The following HDAC9 variants were observed in gnomAD, a reference collection of about 807,000 sequenced individuals.
HDAC9 encodes MEF-2 interacting transcription repressor (MITR) protein.
A neutral mutation model predicts 139.4 loss-of-function variants in HDAC9; 41 were observed. The observed-to-expected ratio is 0.29, with a 90% CI of 0.23 to 0.38. The LOEUF is 0.38. HDAC9 is among the 10% of genes least tolerant of loss of function. The pLI, the probability that HDAC9 is intolerant of heterozygous loss-of-function variation, is 1.00. For missense variants in HDAC9, 1,147 were observed against 1,297.0 expected, an observed-to-expected ratio of 0.88 and a Z score of 1.78; for synonymous variants, 517 against 476.2, an observed-to-expected ratio of 1.09 and a Z score of -1.12.
At chr7:18,237,549 A>C (rs929955602) in intron 2 of HDAC9, among the ~76,000 whole-genome samples, 3 of 152,214 alleles carry the variant, frequency 2.0e-5, no homozygotes, top group Admixed American at 2.0e-4. Context: ...TCATGGGAGA[A>C]CACATGTTAG....
In HDAC9 at chr7:18,648,519, C is replaced by A. The variant is rs1788177906; in HGVS notation, c.1303C>A (p.Pro435Thr). The change falls in exon 11 of 26, where the codon CCT becomes ACT. Residue 435 changes from proline (P) to threonine (T), a missense_variant. By Grantham distance (38) the Pro-to-Thr change is conservative. Coordinates refer to ENST00000686413, the MANE Select transcript of HDAC9 (RefSeq NM_178425.4). ...CTTGGCAACAAAAGAGAGAATTTCACCTGGCATTAGAGGTACCCACAAATT... is the reference window on the plus strand; with the variant it reads ...CTTGGCAACAAAAGAGAGAATTTCAACTGGCATTAGAGGTACCCACAAATT... ...SPLATKERIS[P>T]GIRGTHKLPR... 6.2e-7 allele frequency: 1 copy of A among 1,613,428 alleles called. No homozygotes were observed.
intron 12 of HDAC9, among the ~76,000 whole-genome samples, chr7:18,669,765 C>T (rs1487203204): frequency 6.6e-6 from 1 of 151,680 alleles, no homozygotes; most frequent in Non-Finnish European, 1.5e-5. Flanking sequence ...AGCATCAATC[C>T]AGCATTAGAA....
intron 2 of HDAC9, among the ~76,000 whole-genome samples, chr7:18,219,548 C>T (rs1483418637): frequency 6.6e-6 from 1 of 151,860 alleles, no homozygotes; most frequent in East Asian, 1.9e-4. Flanking sequence ...TGCTGAGGAA[C>T]ATTTGTCAAG....
chr7:18,446,778 A>C (rs1792335183), intron 1 of HDAC9, among the ~76,000 whole-genome samples: 1 of 152,138 alleles, frequency 6.6e-6, no homozygotes, highest in South Asian at 2.1e-4. Flanking sequence ...TTTGAAAAAA[A>C]CTTGGAAATA....
intron 12 of HDAC9, among the ~76,000 whole-genome samples, chr7:18,694,680 A>C (rs1782909510): frequency 6.6e-6 from 1 of 152,016 alleles, no homozygotes; most frequent in Non-Finnish European, 1.5e-5. Flanking sequence ...CTGGGTGGAG[A>C]GGATGGGCTG....
chr7:18,248,379 G>T (rs1794695280), intron 2 of HDAC9, among the ~76,000 whole-genome samples: 2 of 152,094 alleles, frequency 1.3e-5, no homozygotes, highest in Admixed American at 1.3e-4. Context: ...TCCTGTTTTA[G>T]CTAGTTTTAT....
chr7:18,861,909 A>T (rs1585174941), intron 21 of HDAC9, among the ~76,000 whole-genome samples: 1 of 152,194 alleles, frequency 6.6e-6, no homozygotes. Flanking sequence ...TATGATGTAT[A>T]TGTGCTATTT....
At chr7:18,751,503 T>C (rs1788444387) in intron 14 of HDAC9, among the ~76,000 whole-genome samples, 1 of 152,152 alleles carries the variant, frequency 6.6e-6, no homozygotes, top group African/African-American at 2.4e-5. Flanking sequence ...TATATGATAA[T>C]GCTCCTACAT....
intron 22 of HDAC9, among the ~76,000 whole-genome samples, chr7:18,883,472 T>C (rs1190620452): frequency 6.6e-6 from 1 of 152,158 alleles, no homozygotes; most frequent in Non-Finnish European, 1.5e-5. Context: ...AGAAAAGGCA[T>C]TTGACAAATT....
intron 2 of HDAC9, among the ~76,000 whole-genome samples, chr7:18,269,618 A>C (rs1033549285): frequency 6.6e-6 from 1 of 152,078 alleles, no homozygotes; most frequent in African/African-American, 2.4e-5. Context: ...GCTACTCAGG[A>C]GGCTGAGGTG....
chr7:18,821,480 A>G (rs553397404), intron 17 of HDAC9, among the ~76,000 whole-genome samples: 2 of 152,352 alleles, frequency 1.3e-5, no homozygotes, highest in Non-Finnish European at 2.9e-5. Flanking sequence ...TGCAGGAACC[A>G]AAAGGCCAGT....
intron 1 of HDAC9, among the ~76,000 whole-genome samples, chr7:18,291,489 A>G (rs937503974): frequency 1.3e-5 from 2 of 152,038 alleles, no homozygotes; most frequent in East Asian, 3.9e-4. Flanking sequence ...AGACTCAGAA[A>G]ATTGCTGGGA....
intron 21 of HDAC9, among the ~76,000 whole-genome samples, chr7:18,843,700 A>G (rs1287934928): frequency 6.6e-6 from 1 of 151,836 alleles, no homozygotes; most frequent in Non-Finnish European, 1.5e-5. Context: ...CTCTTTTTCT[A>G]TGATTTTACA....
At chr7:18,697,042 A>G (rs1783104955) in intron 12 of HDAC9, among the ~76,000 whole-genome samples, 1 of 152,210 alleles carries the variant, frequency 6.6e-6, no homozygotes, top group Non-Finnish European at 1.5e-5. Context: ...TTCCTTTGCT[A>G]GTGAAAACAC....
intron 21 of HDAC9, among the ~76,000 whole-genome samples, chr7:18,865,606 G>T (rs1174632812): frequency 6.6e-6 from 1 of 152,114 alleles, no homozygotes; most frequent in African/African-American, 2.4e-5. Context: ...ACCCTACAGG[G>T]CCTGTGTTGT....
rs560753616 is a variant in HDAC9, at chr7:18,244,061, C to T, written c.25+81712C>T. Among the ~76,000 whole-genome samples the T allele has an allele frequency of 2.9e-4, 44 of 152,292 alleles. No homozygotes were observed. In the South Asian group the frequency reaches 6.8e-3, roughly 24 times the overall value. On this transcript the variant is annotated intron_variant, in intron 2 of 12. Coordinates refer to the HDAC9 transcript ENST00000417496. ...ACTGTTGCTGAATAGCCCAGCATGA[C>T]AGTAAGGCTCTTTCTTTTTTGAGGC...
chr7:18,912,024 A>G (rs76192242), intron 22 of HDAC9, among the ~76,000 whole-genome samples: 7,715 of 151,862 alleles, frequency 0.051, 261 homozygotes, highest in South Asian at 0.13. Flanking sequence ...TGTAGATTAA[A>G]TCCAAAGTTT....
At chr7:18,709,291 G>T (rs1323252195) in intron 12 of HDAC9, among the ~76,000 whole-genome samples, 1 of 152,110 alleles carries the variant, frequency 6.6e-6, no homozygotes, top group East Asian at 1.9e-4. Context: ...GTGAGAACAT[G>T]CAGTGTTTGG....
intron 14 of HDAC9, among the ~76,000 whole-genome samples, chr7:18,754,454 C>T (rs1456360370): frequency 6.6e-6 from 1 of 152,068 alleles, no homozygotes; most frequent in Non-Finnish European, 1.5e-5. Flanking sequence ...CCCAGCCCCA[C>T]CAAGCCACCC....
Sources: gnomAD v4.1 joint callset for allele counts (sites outside exome capture counted in the v4.1 genomes callset) on GRCh38, gnomAD v4.1.1 for gene constraint, MANE v1.5 for transcripts, NCBI Gene and HGNC (gene_info 2026-07-23, HGNC 2026-07-21) for gene names.